Variants in C6orf118 observed in about 807,000 individuals in gnomAD.
The protein encoded by C6orf118 is chromosome 6 open reading frame 118, also known as uncharacterized protein C6orf118.
In C6orf118, 50 loss-of-function variants were observed where a neutral mutation model predicts 50.2. That is an observed-to-expected ratio of 1.00 (90% CI 0.79 to 1.26). The LOEUF (loss-of-function observed/expected upper bound fraction) is 1.26, where lower values mean the gene tolerates loss of function less well. Among genes scored for constraint, C6orf118 ranks in the 50% most tolerant of loss-of-function variants. The pLI is 0.00. For missense variants in C6orf118, 641 were observed against 578.7 expected, an observed-to-expected ratio of 1.11 and a Z score of -1.10; for synonymous variants, 239 against 230.9, an observed-to-expected ratio of 1.03 and a Z score of -0.32.
chr6:165,301,145 T>A (rs1780513746), intron 2 of C6orf118, among the ~76,000 whole-genome samples: 1 of 152,044 alleles, frequency 6.6e-6, no homozygotes, highest in Admixed American at 6.5e-5. Flanking sequence ...TCACCCAAAC[T>A]GTCCCCATTG....
chr6:165,299,103 GC>G (rs1355817109), intron 4 of C6orf118, among the ~76,000 whole-genome samples: 1 of 152,188 alleles, frequency 6.6e-6, no homozygotes, highest in African/African-American at 2.4e-5. Context: ...CAGCACACCA[GC>G]CATCACAATG....
intron 6 of C6orf118, among the ~76,000 whole-genome samples, chr6:165,290,348 G>GTGA (rs1416859159): frequency 1.1e-4 from 16 of 152,100 alleles, no homozygotes; most frequent in African/African-American, 3.9e-4. Context: ...TCCAGAGTGT[G>GTGA]TGATTTAGCA....
chr6:165,301,418 C>T (rs1043123647), intron 2 of C6orf118, 151 bp downstream of exon 2: 9 of 1,074,706 alleles, frequency 8.4e-6, no homozygotes, highest in Middle Eastern at 3.2e-4. Context: ...CACTGCACCG[C>T]GAGGTCTGCA....
intron 7 of C6orf118, among the ~76,000 whole-genome samples, chr6:165,285,152 A>T (rs2128157207): frequency 6.6e-6 from 1 of 152,324 alleles, no homozygotes; most frequent in African/African-American, 2.4e-5. Context: ...CATAAAAAGC[A>T]GGGGTTGCAA....
At chr6:165,284,699 C>T (rs1025738879) in intron 7 of C6orf118, among the ~76,000 whole-genome samples, 3 of 152,108 alleles carry the variant, frequency 2.0e-5, no homozygotes, top group African/African-American at 4.8e-5. Flanking sequence ...TAATTTGCAA[C>T]CCAGAATTTC....
intron 4 of C6orf118, among the ~76,000 whole-genome samples, chr6:165,298,428 C>A (rs1014859828): frequency 6.6e-6 from 1 of 152,174 alleles, no homozygotes; most frequent in Non-Finnish European, 1.5e-5. Flanking sequence ...GTCAGTGGCA[C>A]CGCAATCGTT....
intron 2 of C6orf118, among the ~76,000 whole-genome samples, chr6:165,300,881 TCTC>T (rs199805131): frequency 0.025 from 3,696 of 147,438 alleles, 68 homozygotes; most frequent in Middle Eastern, 0.058. Context: ...AGTCAGCTGT[TCTC>T]CTCTGAGTCG....
intron 3 of C6orf118, among the ~76,000 whole-genome samples, chr6:165,299,973 AG>A (rs1780457501): frequency 6.6e-6 from 1 of 152,234 alleles, no homozygotes; most frequent in Middle Eastern, 3.2e-3. Context: ...CATGAGCCAC[AG>A]CACCCAAAAA....
In C6orf118 at chr6:165,298,534, T is replaced by A. The variant is rs74784967; in HGVS notation, c.937-433A>T. On this transcript the variant is annotated intron_variant, in intron 4 of 8. Coordinates refer to ENST00000230301, the MANE Select transcript of C6orf118 (RefSeq NM_144980.4). ...ATGGGGAGCAACAGAGATCTCTGCT[T>A]CTTAGGGGATGGGTTGCCAGGGTTA... is the stretch of plus-strand genomic sequence containing the variant. Among the ~76,000 whole-genome samples, 1,216 of 152,180 alleles carry A rather than the reference T, an allele frequency of 8.0e-3. 12 individuals are homozygous for A. Among genetic ancestry groups the A allele is most frequent in the African/African-American group, 0.027 (1,128 of 41,516 alleles).
intron 1 of C6orf118, among the ~76,000 whole-genome samples, chr6:165,306,152 T>G (rs56017005): frequency 0.014 from 537 of 38,292 alleles, 16 homozygotes; most frequent in African/African-American, 0.075. Context: ...CCATAAAAAA[T>G]GATGAGTTCA....
rs1422532935 is a variant in C6orf118 at position 165,301,951 on chromosome 6, TG to T, written c.370del (p.Gln124ArgfsTer9). Reference protein sequence around the residue: ...IHTALVPSEAQDTPLFRYLNP... With the variant: ...IHTALVPSEAXDTPLFRYLNP... ...CAGGTACCTGAACAGCGGGGTGTCCTGGGCCTCACTGGGGACCAGGGCCGTG... is the reference window on the plus strand; with the variant it reads ...CAGGTACCTGAACAGCGGGGTGTCCTGGCCTCACTGGGGACCAGGGCCGTG... On this transcript the variant is annotated frameshift_variant, in exon 2 of 9. Coordinates refer to ENST00000230301, the MANE Select transcript of C6orf118 (RefSeq NM_144980.4). LOFTEE classifies it high-confidence loss of function. The T allele has an allele frequency of 6.2e-7, 1 of 1,613,718 alleles. No homozygotes were observed. The highest frequency in any genetic ancestry group is 8.5e-7 in the Non-Finnish European group (1 of 1,179,992).
At chr6:165,281,957 T>A in intron 7 of C6orf118, 1 of 243,114 alleles carries the variant, frequency 4.1e-6, no homozygotes, top group East Asian at 9.1e-5. Flanking sequence ...ATTCCAGAAG[T>A]GAAGGGTTCT....
At chr6:165,286,627 C>T (rs914170286) in intron 7 of C6orf118, among the ~76,000 whole-genome samples, 12 of 151,920 alleles carry the variant, frequency 7.9e-5, no homozygotes, top group African/African-American at 2.4e-4. Context: ...GTTTGACATA[C>T]ACAAATCGGT....
rs1462772614 is a variant in C6orf118 at position 165,281,706 on chromosome 6, T to C, written c.1303-13A>G. ...GTATAGCTTCATGCTGGAAGAGAAGTTGTTTTAAACACAATATACTTGGTT... is the reference window on the plus strand; with the variant it reads ...GTATAGCTTCATGCTGGAAGAGAAGCTGTTTTAAACACAATATACTTGGTT... On this transcript the variant is annotated splice_polypyrimidine_tract_variant and intron_variant, in intron 7 of 8. Transcript: ENST00000230301. The C allele has an allele frequency of 6.8e-7, 1 of 1,464,730 alleles. No individual in the cohort carries two copies. The allele number at this position is 1,464,730 out of a possible 1,614,324, so 90.7% of individuals were successfully genotyped here.
intron 2 of C6orf118, 120 bp downstream of exon 2, chr6:165,301,449 G>A (rs1487219374): frequency 7.4e-7 from 1 of 1,354,562 alleles, no homozygotes; most frequent in African/African-American, 1.5e-5. Flanking sequence ...TGCCCCAAGA[G>A]CTATGCCCCG....
At chr6:165,281,808 G>T in intron 7 of C6orf118, 115 bp from the exon 8 acceptor site, 3 of 536,064 alleles carry the variant, frequency 5.6e-6, no homozygotes, top group Non-Finnish European at 9.3e-6. Context: ...GTACTCAATA[G>T]CACATTACTT....
chr6:165,293,559 A>C, intron 5 of C6orf118, 88 bp from the exon 6 acceptor site: 7 of 1,033,002 alleles, frequency 6.8e-6, no homozygotes, highest in Non-Finnish European at 1.0e-5. Flanking sequence ...AGTCTCTTAC[A>C]GTTGAGAAAT....
At chr6:165,283,182 C>G (rs972106966) in intron 7 of C6orf118, among the ~76,000 whole-genome samples, 1 of 152,044 alleles carries the variant, frequency 6.6e-6, no homozygotes, top group African/African-American at 2.4e-5. Context: ...GGGGTTGGCA[C>G]GACCCACAGA....
chr6:165,309,048 C>T (rs1398559008), intron 1 of C6orf118, among the ~76,000 whole-genome samples: 1 of 152,170 alleles, frequency 6.6e-6, no homozygotes, highest in Non-Finnish European at 1.5e-5. Context: ...CCACAGACTC[C>T]CATGCGTAAA....
Sources: gnomAD v4.1 joint callset for allele counts (sites outside exome capture counted in the v4.1 genomes callset) on GRCh38, gnomAD v4.1.1 for gene constraint, MANE v1.5 for transcripts, NCBI Gene and HGNC (gene_info 2026-07-23, HGNC 2026-07-21) for gene names.